Variants in PHAF1 observed in about 807,000 individuals in gnomAD.
PHAF1 encodes phagosome assembly factor 1.
In PHAF1, 23 loss-of-function variants were observed where a neutral mutation model predicts 63.1. That is an observed-to-expected ratio of 0.36 (90% CI 0.26 to 0.52). PHAF1 has a LOEUF of 0.52. PHAF1 is among the 20% of genes least tolerant of loss of function. The pLI is 0.93. For synonymous variants in PHAF1, 167 were observed against 185.0 expected, an observed-to-expected ratio of 0.90 and a Z score of 0.79; for missense variants, 427 against 517.2, an observed-to-expected ratio of 0.83 and a Z score of 1.69.
chr16:67,109,986 G>A lies in PHAF1; in HGVS notation c.-190G>A. 3.6e-6 allele frequency: 2 copies of A among 558,002 alleles called. No homozygotes were observed. The highest frequency in any genetic ancestry group is 3.1e-6 in the Non-Finnish European group (1 of 320,624). 34.6% of individuals were successfully genotyped at this position (558,002 alleles called of 1,614,324 possible). On this transcript the variant is annotated 5_prime_UTR_variant, in exon 1 of 16. Transcript: ENST00000219139. The stretch of plus-strand genomic sequence containing the variant: ...CGTTGCCCCCGCTGCCGCGGCTGCT[G>A]CAGGTGAGGTGAAGTGAGGTGAGGT...
intron 2 of PHAF1, among the ~76,000 whole-genome samples, chr16:67,121,582 C>CT (rs763354915): frequency 0.01 from 1,461 of 140,166 alleles, 5 homozygotes; most frequent in African/African-American, 0.022. Context: ...AATTTATTTA[C>CT]TTTTTTTTTT....
intron 6 of PHAF1, among the ~76,000 whole-genome samples, chr16:67,133,899 C>G (rs1370806298): frequency 6.6e-6 from 1 of 151,398 alleles, no homozygotes; most frequent in Admixed American, 6.6e-5. Flanking sequence ...GAGCTGAGAT[C>G]ATGCCACTGT....
At chr16:67,127,795 CA>C (rs907156115) in intron 3 of PHAF1, among the ~76,000 whole-genome samples, 36 of 137,748 alleles carry the variant, frequency 2.6e-4, no homozygotes, top group African/African-American at 4.2e-4. Context: ...GACTCCGTCT[CA>C]AAAAAAAAAA....
chr16:67,117,541 G>A (rs929830252), intron 1 of PHAF1, among the ~76,000 whole-genome samples: 6 of 150,868 alleles, frequency 4.0e-5, no homozygotes, highest in Non-Finnish European at 1.5e-5. Context: ...ACTTTGGGAG[G>A]CCGAGGCGGT....
intron 1 of PHAF1, among the ~76,000 whole-genome samples, chr16:67,115,673 T>C (rs1357483440): frequency 1.3e-5 from 2 of 152,254 alleles, no homozygotes; most frequent in African/African-American, 4.8e-5. Context: ...CCTGTTTCTT[T>C]GCCATTCATA....
chr16:67,142,063 A>G (rs1432738510), intron 10 of PHAF1, among the ~76,000 whole-genome samples: 1 of 152,242 alleles, frequency 6.6e-6, no homozygotes, highest in African/African-American at 2.4e-5. Context: ...TGGGCAACAG[A>G]ACAGTTCAGA....
At chr16:67,117,284 C>T (rs1489710707) in intron 1 of PHAF1, among the ~76,000 whole-genome samples, 1 of 145,998 alleles carries the variant, frequency 6.8e-6, no homozygotes, top group Non-Finnish European at 1.5e-5. Context: ...CTCCTGACCT[C>T]GTGATCCGCC....
Position 67,144,878 on chromosome 16 carries a change from G to C in PHAF1, c.1006+1G>C. On this transcript the variant is annotated splice_donor_variant, in intron 12 of 15. Transcript: ENST00000219139. LOFTEE classifies it high-confidence loss of function. Reference sequence around the variant, plus strand: ...AAGATCCCACTAGCCATAAAGAAAGGTGAGTAGTGAAAGCTCTCAGGGTAA... The same window carrying C: ...AAGATCCCACTAGCCATAAAGAAAGCTGAGTAGTGAAAGCTCTCAGGGTAA... 1 of 1,613,792 alleles carries C rather than the reference G, an allele frequency of 6.2e-7. No homozygotes were observed. The highest frequency in any genetic ancestry group is 8.5e-7 in the Non-Finnish European group (1 of 1,179,704).
rs1481319623 is a variant in PHAF1, at chr16:67,147,462, T to G, written c.*331T>G. On this transcript the variant is annotated 3_prime_UTR_variant, in exon 16 of 16. Transcript: ENST00000219139. Reference sequence around the variant, plus strand: ...CTTGTCCCATGCACATTGGGAAGACTTGGGGCTCTTTCTGTGACTGAGGAC... The same window carrying G: ...CTTGTCCCATGCACATTGGGAAGACGTGGGGCTCTTTCTGTGACTGAGGAC... 1 of 299,254 alleles carries G rather than the reference T, an allele frequency of 3.3e-6. No homozygotes were observed. The highest frequency in any genetic ancestry group is 2.1e-5 in the African/African-American group (1 of 46,622). The allele number at this position is 299,254 out of a possible 1,614,324, so 18.5% of individuals were successfully genotyped here.
At chr16:67,138,025 A>G (rs1221071123) in intron 8 of PHAF1, among the ~76,000 whole-genome samples, 1 of 152,174 alleles carries the variant, frequency 6.6e-6, no homozygotes, top group Non-Finnish European at 1.5e-5. Context: ...TGGTCTCCAC[A>G]ATAATTTGTA....
chr16:67,120,990 A>G (rs78768472), intron 2 of PHAF1, among the ~76,000 whole-genome samples: 2,609 of 152,274 alleles, frequency 0.017, 83 homozygotes, highest in African/African-American at 0.06. Flanking sequence ...TGTTACCTAT[A>G]CCCAGAGATT....
intron 5 of PHAF1, 109 bp downstream of exon 5, chr16:67,132,634 T>C (rs1279035240): frequency 7.5e-7 from 1 of 1,329,138 alleles, no homozygotes; most frequent in African/African-American, 1.4e-5. Flanking sequence ...TCCCATAGGA[T>C]TGTGGGGTTG....
At chr16:67,131,730 A>T (rs1158509668) in intron 4 of PHAF1, among the ~76,000 whole-genome samples, 1 of 152,232 alleles carries the variant, frequency 6.6e-6, no homozygotes, top group Non-Finnish European at 1.5e-5. Context: ...AGAGAATGCC[A>T]AAGAGACCAC....
At chr16:67,123,580 A>AT (rs926291659) in intron 2 of PHAF1, among the ~76,000 whole-genome samples, 1 of 151,928 alleles carries the variant, frequency 6.6e-6, no homozygotes, top group Admixed American at 6.6e-5. Context: ...CTCAAAAAAA[A>AT]TTTTTTTGTA....
At chr16:67,110,390 C>A (rs1018142353) in intron 1 of PHAF1, 151 bp downstream of exon 1, 1 of 824,488 alleles carries the variant, frequency 1.2e-6, no homozygotes, top group South Asian at 1.7e-5. Context: ...GCACTAGATA[C>A]CCGCTCCAAC....
chr16:67,132,013 G>C (rs1567647343), intron 4 of PHAF1: 1 of 156,048 alleles, frequency 6.4e-6, no homozygotes, highest in Non-Finnish European at 1.4e-5. Flanking sequence ...TCCTTAACTG[G>C]CTTCCCTTTC....
At chr16:67,144,475 C>A in intron 11 of PHAF1, 99 bp downstream of exon 11, 1 of 838,224 alleles carries the variant, frequency 1.2e-6, no homozygotes, top group Non-Finnish European at 2.0e-6. Flanking sequence ...AATTTATCTA[C>A]ACCTGAATTC....
intron 3 of PHAF1, 100 bp from the exon 4 acceptor site, chr16:67,131,180 GTTTTTT>G: frequency 4.0e-6 from 1 of 248,640 alleles, no homozygotes. Flanking sequence ...ATTGGTAATA[GTTTTTT>G]TTTTTTTTTT....
intron 3 of PHAF1, among the ~76,000 whole-genome samples, chr16:67,127,448 A>G (rs1325635492): frequency 6.6e-6 from 1 of 152,236 alleles, no homozygotes; most frequent in Non-Finnish European, 1.5e-5. Flanking sequence ...TCCTGTCTCC[A>G]TGGCCAGAAG....
Sources: allele counts gnomAD v4.1 joint callset (sites outside exome capture counted in the v4.1 genomes callset), GRCh38; gene constraint gnomAD v4.1.1; transcripts MANE v1.5; gene names NCBI Gene and HGNC (gene_info 2026-07-23, HGNC 2026-07-21).